Variants in MARK1 observed in about 807,000 individuals in gnomAD.
MARK1 encodes the protein serine/threonine-protein kinase MARK1.
In MARK1, 40 loss-of-function variants were observed where a neutral mutation model predicts 96.3. The ratio of observed to expected loss-of-function variants is 0.42; its 90% CI spans 0.32 to 0.54. The LOEUF is 0.54. MARK1 is among the 20% of genes least tolerant of loss of function. The pLI, the probability that MARK1 is intolerant of heterozygous loss-of-function variation, is 0.16. For missense variants in MARK1, 719 were observed against 984.6 expected (o/e 0.73, Z 3.61); for synonymous variants, 317 against 341.2 (o/e 0.93, Z 0.78).
At chr1:220,538,739 T>C (rs1660903176) in intron 1 of MARK1, among the ~76,000 whole-genome samples, 1 of 152,222 alleles carries the variant, frequency 6.6e-6, no homozygotes, top group South Asian at 2.1e-4. Context: ...TATCTTCTTT[T>C]ATTTCCTTGA....
intron 13 of MARK1, among the ~76,000 whole-genome samples, chr1:220,645,807 A>G (rs1356333278): frequency 1.3e-5 from 2 of 152,238 alleles, no homozygotes; most frequent in Non-Finnish European, 2.9e-5. Flanking sequence ...CAAAAACCAC[A>G]TAATTATCTC....
intron 1 of MARK1, among the ~76,000 whole-genome samples, chr1:220,575,801 T>C (rs1663789704): frequency 6.6e-6 from 1 of 151,506 alleles, no homozygotes; most frequent in Admixed American, 6.6e-5. Context: ...TATCCCAAAA[T>C]GTGACATGTT....
chr1:220,597,562 A>G (rs1174589699), intron 3 of MARK1, among the ~76,000 whole-genome samples: 2 of 152,208 alleles, frequency 1.3e-5, no homozygotes, highest in Non-Finnish European at 2.9e-5. Flanking sequence ...TGAAAGTAGT[A>G]ACTTTAGATT....
intron 1 of MARK1, among the ~76,000 whole-genome samples, chr1:220,540,974 T>G (rs747489629): frequency 5.9e-5 from 9 of 151,960 alleles, no homozygotes; most frequent in Non-Finnish European, 1.3e-4. Flanking sequence ...TGCTCTGTCA[T>G]CCAGGCTGGA....
chr1:220,532,958 C>G (rs1186627064), intron 1 of MARK1, among the ~76,000 whole-genome samples: 1 of 151,396 alleles, frequency 6.6e-6, no homozygotes, highest in African/African-American at 2.4e-5. Flanking sequence ...TACAGTGAGC[C>G]AAGATCACAC....
chr1:220,567,945 A>G (rs1663174809), intron 1 of MARK1, among the ~76,000 whole-genome samples: 1 of 151,836 alleles, frequency 6.6e-6, no homozygotes, highest in Non-Finnish European at 1.5e-5. Flanking sequence ...AACTTTTTTT[A>G]CTTCAGTTGT....
chr1:220,625,403 G>A (rs903255212), intron 9 of MARK1, among the ~76,000 whole-genome samples: 6 of 152,134 alleles, frequency 3.9e-5, no homozygotes, highest in African/African-American at 1.4e-4. Context: ...ACCAGACATG[G>A]ATCATTCTTT....
At chr1:220,626,084 C>T in intron 9 of MARK1, 1 of 602,276 alleles carries the variant, frequency 1.7e-6, no homozygotes, top group Non-Finnish European at 3.2e-6. Context: ...ACTGGTGGCT[C>T]TCTGGCAAGT....
chr1:220,628,914 T>C (rs1455590952), intron 9 of MARK1, among the ~76,000 whole-genome samples: 2 of 140,170 alleles, frequency 1.4e-5, no homozygotes, highest in Non-Finnish European at 3.0e-5. Flanking sequence ...AGACCCTGTC[T>C]TTAAAAAAAA....
At chr1:220,552,873 C>G (rs141922687) in intron 1 of MARK1, among the ~76,000 whole-genome samples, 3 of 152,262 alleles carry the variant, frequency 2.0e-5, no homozygotes, top group African/African-American at 7.2e-5. Flanking sequence ...CGCCTGCCAC[C>G]CCCAGGAGTG....
chr1:220,620,094 G>A (rs1296662916), intron 9 of MARK1, among the ~76,000 whole-genome samples: 3 of 152,130 alleles, frequency 2.0e-5, no homozygotes, highest in Non-Finnish European at 2.9e-5. Flanking sequence ...CTTCCATTGG[G>A]AAATTATTTT....
At chr1:220,547,668 C>T (rs1357809792) in intron 1 of MARK1, among the ~76,000 whole-genome samples, 2 of 152,040 alleles carry the variant, frequency 1.3e-5, no homozygotes, top group Non-Finnish European at 2.9e-5. Context: ...GGGTTCACAC[C>T]ATTCTCCTGC....
chr1:220,565,128 A>G (rs925450445), intron 1 of MARK1, among the ~76,000 whole-genome samples: 2 of 152,222 alleles, frequency 1.3e-5, no homozygotes, highest in Non-Finnish European at 2.9e-5. Flanking sequence ...TTTTTCATTA[A>G]GAATAGAACA....
intron 1 of MARK1, among the ~76,000 whole-genome samples, chr1:220,533,864 CT>C (rs1660497407): frequency 6.6e-6 from 1 of 152,116 alleles, no homozygotes; most frequent in Non-Finnish European, 1.5e-5. Flanking sequence ...TCATTCTATC[CT>C]TCATGTTTAA....
At chr1:220,592,504 T>C (rs1665065996) in intron 3 of MARK1, among the ~76,000 whole-genome samples, 1 of 151,872 alleles carries the variant, frequency 6.6e-6, no homozygotes, top group African/African-American at 2.4e-5. Context: ...CCTAGTCAAG[T>C]ATCCAGATGA....
At chr1:220,605,397 C>T (rs757560586) in intron 6 of MARK1, among the ~76,000 whole-genome samples, 2 of 152,120 alleles carry the variant, frequency 1.3e-5, no homozygotes, top group Admixed American at 6.6e-5. Flanking sequence ...CAACCACGTA[C>T]TGTAATATTA....
intron 15 of MARK1, among the ~76,000 whole-genome samples, chr1:220,652,398 A>G (rs965769436): frequency 1.1e-4 from 16 of 152,182 alleles, no homozygotes; most frequent in Non-Finnish European, 2.2e-4. Context: ...TCCGTCTATA[A>G]AGTTAAAAAT....
intron 1 of MARK1, among the ~76,000 whole-genome samples, chr1:220,550,965 A>G (rs1000761235): frequency 6.6e-6 from 1 of 152,226 alleles, no homozygotes; most frequent in South Asian, 2.1e-4. Flanking sequence ...TTGCTGCTTC[A>G]GAGTCTGGTA....
intron 11 of MARK1, among the ~76,000 whole-genome samples, chr1:220,634,894 C>T (rs1010011473): frequency 2.0e-5 from 3 of 151,926 alleles, no homozygotes; most frequent in Admixed American, 1.3e-4. Flanking sequence ...TATATGCATA[C>T]ATATGTGTAT....
Sources: gnomAD v4.1 joint callset for allele counts (sites outside exome capture counted in the v4.1 genomes callset) on GRCh38, gnomAD v4.1.1 for gene constraint, MANE v1.5 for transcripts, NCBI Gene and HGNC (gene_info 2026-07-23, HGNC 2026-07-21) for gene names.